Variants in KIF26B observed in about 807,000 individuals in gnomAD.
KIF26B encodes the protein kinesin family member 26B.
Under a neutral mutation model 151.2 loss-of-function variants are expected in KIF26B, and 63 were observed. The observed-to-expected ratio is 0.42, with a 90% CI of 0.34 to 0.51. The LOEUF (loss-of-function observed/expected upper bound fraction) is 0.51. Ranked by LOEUF, KIF26B falls within the 20% of genes least tolerant of loss-of-function variation. KIF26B has a pLI of 0.07. For synonymous variants in KIF26B, 1,357 were observed against 1,262.1 expected (o/e 1.08, Z -1.59); for missense variants, 2,813 against 2,913.6 (o/e 0.97, Z 0.79).
intron 12 of KIF26B, among the ~76,000 whole-genome samples, chr1:245,690,743 G>A (rs188494873): frequency 6.6e-6 from 1 of 151,588 alleles, no homozygotes; most frequent in Non-Finnish European, 1.5e-5. Context: ...ATTTGCCTGG[G>A]GGGGGGGTAT....
intron 9 of KIF26B, among the ~76,000 whole-genome samples, chr1:245,644,854 T>C (rs1268940342): frequency 2.0e-5 from 3 of 152,188 alleles, no homozygotes; most frequent in East Asian, 3.9e-4. Context: ...CACCTGAGGC[T>C]GGGTGATTTA....
intron 3 of KIF26B, among the ~76,000 whole-genome samples, chr1:245,383,039 G>GTATA (rs71998690): frequency 0.019 from 2,798 of 146,214 alleles, 101 homozygotes; most frequent in African/African-American, 0.066. Flanking sequence ...ATATGTATAT[G>GTATA]TATATATATA....
intron 9 of KIF26B, among the ~76,000 whole-genome samples, chr1:245,641,510 G>T (rs2043891444): frequency 6.6e-6 from 1 of 151,056 alleles, no homozygotes; most frequent in Admixed American, 6.6e-5. Flanking sequence ...CATAAGCTTT[G>T]TTCATTCCTT....
At chr1:245,361,479 G>A (rs1015757968) in intron 2 of KIF26B, among the ~76,000 whole-genome samples, 28 of 152,192 alleles carry the variant, frequency 1.8e-4, no homozygotes, top group Admixed American at 6.5e-5. Flanking sequence ...TGCTCAGCGC[G>A]GTGTTCATGC....
At chr1:245,235,508 G>T (rs900879592) in intron 2 of KIF26B, among the ~76,000 whole-genome samples, 3 of 152,086 alleles carry the variant, frequency 2.0e-5, no homozygotes, top group Middle Eastern at 3.4e-3. Flanking sequence ...TGGGGGGATC[G>T]CTTGAGCCTA....
At chr1:245,448,018 A>G (rs889533327) in intron 4 of KIF26B, among the ~76,000 whole-genome samples, 3 of 152,154 alleles carry the variant, frequency 2.0e-5, no homozygotes, top group Non-Finnish European at 4.4e-5. Flanking sequence ...TGAAGCCAAG[A>G]ACTCTTGTGG....
chr1:245,472,880 G>C (rs1659945649), intron 4 of KIF26B, among the ~76,000 whole-genome samples: 1 of 152,232 alleles, frequency 6.6e-6, no homozygotes, highest in Admixed American at 6.5e-5. Context: ...TCTCTAAACA[G>C]TGGGCTCCCC....
chr1:245,642,788 T>C (rs1436687998), intron 9 of KIF26B, among the ~76,000 whole-genome samples: 1 of 151,928 alleles, frequency 6.6e-6, no homozygotes, highest in Non-Finnish European at 1.5e-5. Flanking sequence ...CAAGTTCCTG[T>C]AGAGATAGAA....
intron 4 of KIF26B, among the ~76,000 whole-genome samples, chr1:245,474,260 C>T (rs1659981765): frequency 6.6e-6 from 1 of 150,750 alleles, no homozygotes; most frequent in South Asian, 2.1e-4. Context: ...AGGTGCCCGC[C>T]ACCACATCTG....
Position 245,702,539 on chromosome 1 carries a change from G to A in KIF26B, c.6260G>A (p.Arg2087His), listed in dbSNP as rs61734434. 1.1e-5 allele frequency: 18 copies of A among 1,613,836 alleles called. No individual in the cohort carries two copies. The East Asian group carries it at 1.3e-4, about 12-fold the overall frequency. Residue 2087 changes from arginine to histidine, a missense_variant, in exon 15 of 15, where the codon CGT (arginine) becomes CAT (histidine). This residue lies in a region of KIF26B where 2,060 missense variants were observed against 2,088.6 expected (regional missense o/e 0.99). Transcript: ENST00000407071. This position sits in a 1 kb window ranked among gnomAD's most constrained non-coding sequence, Gnocchi z 4.1. Reference sequence around the variant, plus strand: ...TGTGTGACGGAGCGCCTGGAGAGCCGTGTCAACTTCTGCAAGGCCCATCTC... The same window carrying A: ...TGTGTGACGGAGCGCCTGGAGAGCCATGTCAACTTCTGCAAGGCCCATCTC... ...LECVTERLESRVNFCKAHLMM... is the reference protein window; with the variant it reads ...LECVTERLESHVNFCKAHLMM...
rs916078247 is a variant in KIF26B at position 245,358,544 on chromosome 1, C to A, written c.466-8290C>A. 6.6e-6 allele frequency among the ~76,000 whole-genome samples: 1 copy of A among 151,878 alleles called. No homozygotes were observed. Among genetic ancestry groups the A allele is most frequent in the Non-Finnish European group, 1.5e-5 (1 of 68,014 alleles). On this transcript the variant is annotated intron_variant, in intron 2 of 14. Transcript: ENST00000407071. This position sits in a 1 kb window ranked among gnomAD's most constrained non-coding sequence, Gnocchi z 4.1. ...CAAAACAAAACAAAACAAAACAAAA[C>A]AGCCAAGTACATTTATGCAGCATTT...
chr1:245,494,776 A>G (rs1660478450), intron 4 of KIF26B, among the ~76,000 whole-genome samples: 2 of 152,208 alleles, frequency 1.3e-5, no homozygotes, highest in South Asian at 4.1e-4. Context: ...GGTGGCTCAC[A>G]CCTGTGTAAT....
chr1:245,411,877 G>A (rs1674295406), intron 3 of KIF26B, among the ~76,000 whole-genome samples: 1 of 152,146 alleles, frequency 6.6e-6, no homozygotes, highest in African/African-American at 2.4e-5. Context: ...GTGATGACTG[G>A]AGTAAGGTGC....
intron 4 of KIF26B, among the ~76,000 whole-genome samples, chr1:245,455,852 C>T (rs908419885): frequency 1.1e-4 from 17 of 152,210 alleles, no homozygotes; most frequent in African/African-American, 4.1e-4. Flanking sequence ...GGAGGACATT[C>T]AGCCACTCAG....
At chr1:245,473,772 T>C (rs190959520) in intron 4 of KIF26B, among the ~76,000 whole-genome samples, 3 of 152,080 alleles carry the variant, frequency 2.0e-5, no homozygotes, top group Admixed American at 1.3e-4. Context: ...CTTTTCAGAC[T>C]ATGTTCCAAG....
chr1:245,700,727 C>CAAAG (rs542552354), intron 14 of KIF26B, among the ~76,000 whole-genome samples: 11 of 152,110 alleles, frequency 7.2e-5, no homozygotes, highest in Non-Finnish European at 1.5e-4. Flanking sequence ...GAAATTTGAG[C>CAAAG]AAAGAAAGAC....
At chr1:245,251,919 T>C (rs1670451938) in intron 2 of KIF26B, among the ~76,000 whole-genome samples, 1 of 152,114 alleles carries the variant, frequency 6.6e-6, no homozygotes, top group Non-Finnish European at 1.5e-5. Flanking sequence ...TATATGAATT[T>C]TTCTGTCAGA....
In KIF26B at chr1:245,552,998, T is replaced by C. The variant is rs74479082; in HGVS notation, c.1350+12048T>C. ...TGCCCATAGATGAGAACACTGAGAT[T>C]CAGAGAGGGCAAAATAATTCCTAGA... On this transcript the variant is annotated intron_variant, in intron 5 of 14. Coordinates refer to ENST00000407071, the MANE Select transcript of KIF26B (RefSeq NM_018012.4). Among the ~76,000 whole-genome samples, 58 of 152,246 alleles carry C rather than the reference T, an allele frequency of 3.8e-4. 3 individuals are homozygous for C. The East Asian group carries it at 0.011, about 29-fold the overall frequency.
intron 2 of KIF26B, among the ~76,000 whole-genome samples, chr1:245,271,503 T>C (rs1019025929): frequency 7.2e-5 from 11 of 152,240 alleles, no homozygotes; most frequent in Admixed American, 7.2e-4. Context: ...ATATGGACTT[T>C]ATTATGTTGA....
Sources: allele counts gnomAD v4.1 joint callset (sites outside exome capture counted in the v4.1 genomes callset), GRCh38; gene constraint gnomAD v4.1.1; regional missense constraint gnomAD v4.1.1; non-coding constraint Gnocchi (gnomAD v3.1); transcripts MANE v1.5; gene names NCBI Gene and HGNC (gene_info 2026-07-23, HGNC 2026-07-21).